PCSK5: variants seen among roughly 807,000 people sequenced by gnomAD.
PCSK5 encodes prohormone convertase 5.
Under a neutral mutation model 233.2 loss-of-function variants are expected in PCSK5, and 129 were observed. The ratio of observed to expected loss-of-function variants is 0.55; its 90% CI spans 0.48 to 0.64. The LOEUF (loss-of-function observed/expected upper bound fraction) is 0.64, where lower values mean the gene tolerates loss of function less well. Ranked by LOEUF, PCSK5 falls within the 30% of genes least tolerant of loss-of-function variation. The pLI, the probability that PCSK5 is intolerant of heterozygous loss-of-function variation, is 0.00. For missense variants in PCSK5, 2,076 were observed against 2,430.1 expected (o/e 0.85, Z 3.06); for synonymous variants, 825 against 879.2 (o/e 0.94, Z 1.09).
chr9:76,259,382 C>T (rs1319802554), intron 24 of PCSK5, among the ~76,000 whole-genome samples: 1 of 151,838 alleles, frequency 6.6e-6, no homozygotes, highest in Non-Finnish European at 1.5e-5. Flanking sequence ...GTCATCACAT[C>T]TCAGTTTAAA....
Position 76,358,682 on chromosome 9 carries a change from A to C in PCSK5, c.5424A>C (p.Lys1808Asn). The change falls in exon 38 of 38, where the codon AAA becomes AAC. Residue 1808 changes from lysine (K) to asparagine (N), a missense_variant. Lys to Asn is a moderately conservative substitution (Grantham distance 94). This residue lies in a region of PCSK5 where 1,510 missense variants were observed against 1,538.1 expected (regional missense o/e 0.98). Coordinates refer to ENST00000674117, the MANE Select transcript of PCSK5 (RefSeq NM_001372043.1). ...VQPAAKAGYE[K>N]LADPNKSYSS... is the part of the protein sequence containing the mutation. ...CAGCAGCAAAGGCCGGCTATGAAAAACTGGCCGACCCCAACAAGTCTTACT... is the reference window on the plus strand; with the variant it reads ...CAGCAGCAAAGGCCGGCTATGAAAACCTGGCCGACCCCAACAAGTCTTACT... 6.2e-7 allele frequency: 1 copy of C among 1,612,778 alleles called. No individual in the cohort carries two copies. The highest frequency in any genetic ancestry group is 8.5e-7 in the Non-Finnish European group (1 of 1,179,886).
At position 75,980,760 on chromosome 9, in the gene PCSK5, T is replaced by TTTTC. The variant is rs34831350; in HGVS notation, c.298-5372_298-5371insTTTC. ...CTAAATTCTCTGATTTTTTTTTTTTTCTCACCAGTTAGCTTTGATGTTTTG... is the reference window on the plus strand; with the variant it reads ...CTAAATTCTCTGATTTTTTTTTTTTTTTTCCTCACCAGTTAGCTTTGATGTTTTG... On this transcript the variant is annotated intron_variant, in intron 2 of 37. Coordinates refer to ENST00000674117, the MANE Select transcript of PCSK5 (RefSeq NM_001372043.1). Among the ~76,000 whole-genome samples, 892 of 150,398 alleles carry TTTTC rather than the reference T, an allele frequency of 5.9e-3. 7 individuals are homozygous for TTTTC. The highest frequency in any genetic ancestry group is 0.017 in the African/African-American group (694 of 41,164).
intron 2 of PCSK5, among the ~76,000 whole-genome samples, chr9:75,971,789 T>C (rs1825825273): frequency 6.6e-6 from 1 of 151,880 alleles, no homozygotes; most frequent in African/African-American, 2.4e-5. Context: ...TTTTTTTTCT[T>C]GTAAATTTAA....
At position 75,900,574 on chromosome 9, in the gene PCSK5, G is replaced by A. The variant is rs188904946; in HGVS notation, c.192+9201G>A. 2.5e-3 allele frequency among the ~76,000 whole-genome samples: 377 copies of A among 151,282 alleles called. 3 individuals are homozygous for A. The highest frequency in any genetic ancestry group is 8.9e-3 in the African/African-American group (367 of 41,228). On this transcript the variant is annotated intron_variant, in intron 1 of 37. Transcript: ENST00000674117. ...TGTGCTTGTAGTTGCAGCTACCCGG[G>A]AGGCTGAGGTGGGACAGTTGCTTGA...
intron 7 of PCSK5, among the ~76,000 whole-genome samples, chr9:76,088,052 AAGG>A (rs1414081954): frequency 4.6e-5 from 7 of 152,230 alleles, no homozygotes; most frequent in Non-Finnish European, 7.3e-5. Flanking sequence ...GTGAATAATG[AAGG>A]TACTCCCATA....
intron 20 of PCSK5, among the ~76,000 whole-genome samples, chr9:76,203,640 G>C (rs933967954): frequency 2.0e-5 from 3 of 152,102 alleles, no homozygotes; most frequent in African/African-American, 7.2e-5. Context: ...ACTCAGAGCA[G>C]AGAACCAGCT....
intron 14 of PCSK5, among the ~76,000 whole-genome samples, chr9:76,178,451 T>C (rs1823712800): frequency 6.6e-6 from 1 of 152,210 alleles, no homozygotes; most frequent in Non-Finnish European, 1.5e-5. Context: ...CATGTGATAC[T>C]GGGCAAGCCA....
At chr9:76,290,872 C>T (rs1828257957) in intron 24 of PCSK5, among the ~76,000 whole-genome samples, 1 of 152,242 alleles carries the variant, frequency 6.6e-6, no homozygotes, top group South Asian at 2.1e-4. Flanking sequence ...CTAGGCTCAA[C>T]TTCAGAATCT....
At chr9:76,136,533 T>G (rs1364435725) in intron 10 of PCSK5, among the ~76,000 whole-genome samples, 1 of 152,054 alleles carries the variant, frequency 6.6e-6, no homozygotes, top group Non-Finnish European at 1.5e-5. Context: ...GTATTTCTCC[T>G]TAGACTGGGA....
chr9:76,251,223 C>T (rs540706627), intron 24 of PCSK5, among the ~76,000 whole-genome samples: 44 of 152,100 alleles, frequency 2.9e-4, no homozygotes, highest in Non-Finnish European at 4.9e-4. Flanking sequence ...GCTATGATCA[C>T]GCCACTGCAC....
intron 1 of PCSK5, among the ~76,000 whole-genome samples, chr9:75,902,598 CCAGGCAGAGAA>C (rs1826090957): frequency 6.6e-6 from 1 of 152,010 alleles, no homozygotes; most frequent in South Asian, 2.1e-4. Flanking sequence ...GGTGAGACGA[CCAGGCAGAGAA>C]CAGGCGAAGT....
At chr9:76,159,554 A>C (rs1224784100) in intron 12 of PCSK5, among the ~76,000 whole-genome samples, 3 of 152,182 alleles carry the variant, frequency 2.0e-5, no homozygotes, top group South Asian at 2.1e-4. Flanking sequence ...TCAAAACTTA[A>C]AGGAAATTCT....
At chr9:76,072,193 T>C (rs1347111303) in intron 7 of PCSK5, among the ~76,000 whole-genome samples, 1 of 152,212 alleles carries the variant, frequency 6.6e-6, no homozygotes, top group Non-Finnish European at 1.5e-5. Flanking sequence ...AGAAATAAAT[T>C]CTTAGGACTG....
chr9:76,320,406 G>A (rs182719597), intron 30 of PCSK5, among the ~76,000 whole-genome samples: 2,600 of 145,690 alleles, frequency 0.018, 94 homozygotes, highest in African/African-American at 0.061. Flanking sequence ...TCCAGCCTGG[G>A]TGACACAGCA....
chr9:76,130,735 A>G (rs1455712933), intron 9 of PCSK5, among the ~76,000 whole-genome samples: 1 of 152,160 alleles, frequency 6.6e-6, no homozygotes, highest in African/African-American at 2.4e-5. Context: ...ATGGCTACCC[A>G]TATCTTGTAG....
chr9:76,205,157 A>T (rs1382753330), intron 20 of PCSK5: 1 of 518,770 alleles, frequency 1.9e-6, no homozygotes, highest in African/African-American at 1.9e-5. Flanking sequence ...CCCCCACCAA[A>T]ATATATAAAC....
chr9:76,047,277 T>C (rs1394639538), intron 5 of PCSK5, among the ~76,000 whole-genome samples: 1 of 151,936 alleles, frequency 6.6e-6, no homozygotes, highest in Non-Finnish European at 1.5e-5. Context: ...TTTGTATTTT[T>C]AGTAGAGATG....
At chr9:76,132,075 A>G (rs1822782618) in intron 9 of PCSK5, among the ~76,000 whole-genome samples, 1 of 152,044 alleles carries the variant, frequency 6.6e-6, no homozygotes, top group Non-Finnish European at 1.5e-5. Flanking sequence ...ATTCACTCTA[A>G]TAACTAGGAC....
At chr9:76,349,051 C>T (rs1414374042) in intron 35 of PCSK5, among the ~76,000 whole-genome samples, 1 of 151,788 alleles carries the variant, frequency 6.6e-6, no homozygotes, top group East Asian at 1.9e-4. Context: ...GTGGGAGGAT[C>T]ACCAGGTGAT....
Sources: allele counts gnomAD v4.1 joint callset (sites outside exome capture counted in the v4.1 genomes callset), GRCh38; gene constraint gnomAD v4.1.1; regional missense constraint gnomAD v4.1.1; transcripts MANE v1.5; gene names NCBI Gene and HGNC (gene_info 2026-07-23, HGNC 2026-07-21).